FBXO45: variants seen among roughly 807,000 people sequenced by gnomAD.
FBXO45 encodes the protein F-box protein 45.
FBXO45 carries 3 observed loss-of-function variants against 25.5 expected under a neutral mutation model. That is an observed-to-expected ratio of 0.12 (90% confidence interval 0.05 to 0.30). The LOEUF is 0.30. Ranked by LOEUF, FBXO45 falls within the 10% of genes least tolerant of loss-of-function variation. The pLI, the probability that FBXO45 is intolerant of heterozygous loss-of-function variation, is 1.00. For missense variants in FBXO45, 219 were observed against 365.0 expected (o/e 0.60, Z 3.26); for synonymous variants, 155 against 149.8 (o/e 1.03, Z -0.25).
intron 1 of FBXO45, among the ~76,000 whole-genome samples, chr3:196,573,091 TTTA>T (rs1442668441): frequency 6.6e-6 from 1 of 152,148 alleles, no homozygotes; most frequent in Non-Finnish European, 1.5e-5. Flanking sequence ...CCAGCTAATT[TTTA>T]TTATTATTTT....
In FBXO45 at chr3:196,568,948, G is replaced by GGCGGCA; in HGVS notation, c.-31_-26dup. The GGCGGCA allele has an allele frequency of 1.0e-6, 1 of 988,616 alleles. No homozygotes were observed. Among genetic ancestry groups the GGCGGCA allele is most frequent in the Non-Finnish European group, 1.2e-6 (1 of 831,370 alleles). 61.2% of individuals were successfully genotyped at this position (988,616 alleles called of 1,614,324 possible). A position where few individuals can be genotyped will look rare whatever the true frequency, so the allele number is the denominator to read the frequency against. On this transcript the variant is annotated 5_prime_UTR_variant, in exon 1 of 3. Transcript: ENST00000311630. ...CCGAGCAGAGACGGCGGGAAGCGGC[G>GGCGGCA]GCGGCAGCGGCGGCCCTAGGGCCGG...
intron 1 of FBXO45, among the ~76,000 whole-genome samples, chr3:196,577,143 G>A (rs1255603217): frequency 1.3e-5 from 2 of 152,022 alleles, no homozygotes; most frequent in Non-Finnish European, 1.5e-5. Flanking sequence ...ATCCATAAAC[G>A]TTTCAGTATT....
At chr3:196,570,625 A>C (rs770618144) in intron 1 of FBXO45, among the ~76,000 whole-genome samples, 3 of 151,990 alleles carry the variant, frequency 2.0e-5, no homozygotes, top group South Asian at 2.1e-4. Flanking sequence ...ATTTATACTT[A>C]TGTAGTAAAA....
chr3:196,581,621 C>T (rs114821122), intron 2 of FBXO45, among the ~76,000 whole-genome samples: 4,111 of 152,224 alleles, frequency 0.027, 154 homozygotes, highest in African/African-American at 0.083. Context: ...TGGACATATT[C>T]ATAACAGCTG....
Position 196,585,175 on chromosome 3 carries a change from A to G in FBXO45, c.*857A>G, listed in dbSNP as rs577473305. ...GGAAGGCAAATCTATTTCTAATTAT[A>G]CATATATCAGTAAGGATGATCTCAA... On this transcript the variant is annotated 3_prime_UTR_variant, in exon 3 of 3. Transcript: ENST00000311630. The G allele has an allele frequency of 2.6e-4, 39 of 152,340 alleles. No individual in the cohort carries two copies. Among genetic ancestry groups the G allele is most frequent in the African/African-American group, 8.9e-4 (37 of 41,574 alleles). The allele number at this position is 152,340 out of a possible 1,614,324, so 9.4% of individuals were successfully genotyped here.
chr3:196,580,632 C>CT (rs1735993311), intron 2 of FBXO45, among the ~76,000 whole-genome samples: 1 of 152,180 alleles, frequency 6.6e-6, no homozygotes, highest in African/African-American at 2.4e-5. Context: ...GCTTCGGTCT[C>CT]TGACTTTTAA....
intron 1 of FBXO45, among the ~76,000 whole-genome samples, chr3:196,574,576 A>T (rs1276623863): frequency 6.6e-6 from 1 of 152,180 alleles, no homozygotes; most frequent in African/African-American, 2.4e-5. Context: ...GGATTTCATT[A>T]TCATCGTGTT....
rs780588370 is a variant in FBXO45, at chr3:196,584,171, T to C, written c.714T>C (p.Asp238=). 1.2e-6 allele frequency: 2 copies of C among 1,613,834 alleles called. No individual in the cohort carries two copies. The highest frequency in any genetic ancestry group is 1.7e-6 in the Non-Finnish European group (2 of 1,179,884). ...ERIRVILDME[D]KTLAFERGYE... Reference sequence around the variant, plus strand: ...TTCGAGTCATCTTGGACATGGAAGATAAGACTTTAGCTTTTGAACGTGGAT... The same window carrying C: ...TTCGAGTCATCTTGGACATGGAAGACAAGACTTTAGCTTTTGAACGTGGAT... Residue 238 remains aspartate, a synonymous_variant, in exon 3 of 3, where the codon GAT becomes GAC. Coordinates refer to ENST00000311630, the MANE Select transcript of FBXO45 (RefSeq NM_001105573.2). The surrounding 1 kb of genome is among the most constrained non-coding windows in gnomAD (Gnocchi z 4.3).
Position 196,573,990 on chromosome 3 carries a change from C to T in FBXO45, c.319-3463C>T, listed in dbSNP as rs558864761. Among the ~76,000 whole-genome samples the T allele has an allele frequency of 1.9e-4, 26 of 138,870 alleles. No homozygotes were observed. The South Asian group carries it at 2.0e-3, about 11-fold the overall frequency. The allele number at this position is 138,870 out of a possible 152,430, so 91.1% of individuals were successfully genotyped here. On this transcript the variant is annotated intron_variant, in intron 1 of 2. Transcript: ENST00000311630. ...TCTTGCTCTGTTGCCCAGGCTGGAG[C>T]GCAGTGGCACAATTTCAGCTCACTG...
intron 1 of FBXO45, among the ~76,000 whole-genome samples, chr3:196,572,164 GAAAGT>G (rs1735836538): frequency 6.6e-6 from 1 of 152,160 alleles, no homozygotes; most frequent in East Asian, 1.9e-4. Context: ...AGGACAAGAG[GAAAGT>G]AAAGGGTTTG....
Position 196,584,428 on chromosome 3 carries a change from C to A in FBXO45, c.*110C>A. 1 of 960,890 alleles carries A rather than the reference C, an allele frequency of 1.0e-6. No homozygotes were observed. Among genetic ancestry groups the A allele is most frequent in the Non-Finnish European group, 1.5e-6 (1 of 666,498 alleles). 59.5% of individuals were successfully genotyped at this position (960,890 alleles called of 1,614,324 possible). On this transcript the variant is annotated 3_prime_UTR_variant, in exon 3 of 3. Coordinates refer to ENST00000311630, the MANE Select transcript of FBXO45 (RefSeq NM_001105573.2). The surrounding 1 kb of genome is among the most constrained non-coding windows in gnomAD (Gnocchi z 4.3). Reference sequence around the variant, plus strand: ...ATGTCCAAGAAACATCCTGAAAACACATGAAGTCGTAAACTGGAGAAGCAG... The same window carrying A: ...ATGTCCAAGAAACATCCTGAAAACAAATGAAGTCGTAAACTGGAGAAGCAG...
intron 1 of FBXO45, among the ~76,000 whole-genome samples, chr3:196,575,268 C>T (rs1238283287): frequency 6.6e-6 from 1 of 152,020 alleles, no homozygotes; most frequent in East Asian, 1.9e-4. Context: ...CCAGCCTGGC[C>T]AACATGGTGA....
chr3:196,574,175 C>T (rs1020899088), intron 1 of FBXO45, among the ~76,000 whole-genome samples: 6 of 152,022 alleles, frequency 3.9e-5, no homozygotes, highest in Non-Finnish European at 7.4e-5. Flanking sequence ...CCTCGTGATC[C>T]GCCTGCCTCG....
Position 196,588,003 on chromosome 3 carries a change from T to C in FBXO45, c.*3685T>C, listed in dbSNP as rs9834490. On this transcript the variant is annotated 3_prime_UTR_variant, in exon 3 of 3. Coordinates refer to ENST00000311630, the MANE Select transcript of FBXO45 (RefSeq NM_001105573.2). The surrounding 1 kb of genome is among the most constrained non-coding windows in gnomAD (Gnocchi z 4.2). ...CTGGAGTGCGGTGGTGTGATCTCAG[T>C]TCACTGCAACCTTTGCCTCCCGGGT... The C allele has an allele frequency of 0.29, 43,534 of 151,936 alleles. 6,596 individuals are homozygous for C. The highest frequency in any genetic ancestry group is 0.36 in the African/African-American group (15,103 of 41,416). 9.4% of individuals were successfully genotyped at this position (151,936 alleles called of 1,614,324 possible).
Position 196,584,116 on chromosome 3 carries a change from T to C in FBXO45, c.676-17T>C, listed in dbSNP as rs762710598. 4 of 1,610,628 alleles carry C rather than the reference T, an allele frequency of 2.5e-6. No individual in the cohort carries two copies. The highest frequency in any genetic ancestry group is 3.4e-6 in the Non-Finnish European group (4 of 1,178,836). The stretch of plus-strand genomic sequence containing the variant: ...CCTTGGCAGATTTTCTTCTAACCTT[T>C]TGATATCTGTTTGCAGATAGGAGAA... On this transcript the variant is annotated splice_polypyrimidine_tract_variant and intron_variant, in intron 2 of 2. Transcript: ENST00000311630. The surrounding 1 kb of genome is among the most constrained non-coding windows in gnomAD (Gnocchi z 4.3).
intron 1 of FBXO45, among the ~76,000 whole-genome samples, chr3:196,571,462 G>A (rs1038281281): frequency 6.6e-6 from 1 of 151,948 alleles, no homozygotes; most frequent in Admixed American, 6.5e-5. Flanking sequence ...CTGGACTCAA[G>A]CGATCTTCTT....
intron 1 of FBXO45, among the ~76,000 whole-genome samples, chr3:196,573,860 C>T (rs1393288427): frequency 6.6e-6 from 1 of 151,646 alleles, no homozygotes; most frequent in African/African-American, 2.4e-5. Context: ...GCTGCTTTTG[C>T]CATAACAAAA....
rs1332266472 is a variant in FBXO45, at chr3:196,577,515, G to A, written c.381G>A (p.Lys127=). The A allele has an allele frequency of 6.2e-7, 1 of 1,613,936 alleles. No individual in the cohort carries two copies. Among genetic ancestry groups the A allele is most frequent in the Admixed American group, 1.7e-5 (1 of 60,026 alleles). ...NDCSRNVYIK[K]NGFTLHRNPI... is the part of the protein sequence containing the mutation. ...GCTCCAGGAATGTCTACATTAAGAA[G>A]AATGGCTTTACTTTACATCGAAACC... Residue 127 remains lysine (K), a synonymous_variant, in exon 2 of 3, where the codon AAG becomes AAA. Transcript: ENST00000311630.
chr3:196,586,432 T>C lies in FBXO45; in HGVS notation c.*2114T>C, dbSNP rs1293734001. ...TGCCTCAATATTTAACAACAAGCCA[T>C]TCTTATCTCAAAGATTTAAATTCCC... On this transcript the variant is annotated 3_prime_UTR_variant, in exon 3 of 3. Coordinates refer to ENST00000311630, the MANE Select transcript of FBXO45 (RefSeq NM_001105573.2). 2.0e-5 allele frequency: 3 copies of C among 152,200 alleles called. No individual in the cohort carries two copies. The highest frequency in any genetic ancestry group is 7.2e-5 in the African/African-American group (3 of 41,434). 9.4% of individuals were successfully genotyped at this position (152,200 alleles called of 1,614,324 possible).
Sources: gnomAD v4.1 joint callset for allele counts (sites outside exome capture counted in the v4.1 genomes callset) on GRCh38, gnomAD v4.1.1 for gene constraint, Gnocchi (gnomAD v3.1) non-coding constraint, MANE v1.5 for transcripts, NCBI Gene and HGNC (gene_info 2026-07-23, HGNC 2026-07-21) for gene names.